Variants in TTC34 observed in about 807,000 individuals in gnomAD.
The protein encoded by TTC34 is tetratricopeptide repeat protein 34.
TTC34 carries 44 observed loss-of-function variants against 40.7 expected under a neutral mutation model. That is an observed-to-expected ratio of 1.08 (90% CI 0.85 to 1.39). The LOEUF is 1.39. TTC34 is among the 40% of genes most tolerant of loss of function. TTC34 has a pLI of 0.00. For missense variants in TTC34, 884 were observed against 838.0 expected (o/e 1.05, Z -0.68); for synonymous variants, 422 against 398.6 (o/e 1.06, Z -0.70).
At chr1:2,755,409 G>A (rs1641471172) in intron 6 of TTC34, among the ~76,000 whole-genome samples, 1 of 58,634 alleles carries the variant, frequency 1.7e-5, no homozygotes, top group Non-Finnish European at 2.8e-5. Flanking sequence ...ACAGCCTGGA[G>A]CAGCACCCAC....
chr1:2,643,255 G>C (rs1207170725), intron 8 of TTC34, among the ~76,000 whole-genome samples: 1 of 152,244 alleles, frequency 6.6e-6, no homozygotes, highest in Non-Finnish European at 1.5e-5. Context: ...AGGAAGCGGG[G>C]CGAAACCACT....
At chr1:2,691,608 G>C (rs140108877) in intron 6 of TTC34, among the ~76,000 whole-genome samples, 15 of 49,880 alleles carry the variant, frequency 3.0e-4, no homozygotes, top group East Asian at 6.8e-4. Flanking sequence ...TGACAGCCTG[G>C]AACAGCACCC....
At chr1:2,640,788 A>T (rs1638884383) in exon 9 of TTC34, 1 of 151,464 alleles carries the variant, frequency 6.6e-6, no homozygotes, top group Non-Finnish European at 1.5e-5. Context: ...AACCTGTAGG[A>T]TCCCAGGCCA....
intron 6 of TTC34, among the ~76,000 whole-genome samples, chr1:2,753,278 T>G (rs1371742125): frequency 2.7e-3 from 244 of 90,786 alleles, no homozygotes; most frequent in African/African-American, 4.8e-3. Context: ...TCTGACAGCC[T>G]GGAACAGCAC....
chr1:2,641,781 G>C lies in TTC34; in HGVS notation c.2827C>G (p.Arg943Gly), dbSNP rs561866095. The C allele has an allele frequency of 2.0e-3, 3,075 of 1,535,216 alleles. 3 individuals are homozygous for C. The highest frequency in any genetic ancestry group is 2.4e-3 in the Non-Finnish European group (2,788 of 1,146,536). Residue 943 changes from arginine to glycine, a missense_variant, in exon 9 of 9, where the codon CGG (arginine) becomes GGG (glycine). Physicochemically the swap from Arg to Gly is moderately radical, Grantham distance 125 (BLOSUM62 -2). Transcript: ENST00000401095. ...TGCAACTCGGCCAGGCAGGTGGCCC[G>C]CAGACGCAGGTGACAGGCACTGCTG...
At chr1:2,755,491 A>G (rs1641473823) in intron 6 of TTC34, among the ~76,000 whole-genome samples, 1 of 82,324 alleles carries the variant, frequency 1.2e-5, no homozygotes. Context: ...ATCGTGGAGT[A>G]GCACCCCACA....
At chr1:2,699,008 C>G (rs1347200202) in intron 6 of TTC34, among the ~76,000 whole-genome samples, 5 of 128,414 alleles carry the variant, frequency 3.9e-5, no homozygotes, top group African/African-American at 8.0e-5. Flanking sequence ...AAGGCACCCA[C>G]ACCACCAGGT....
At chr1:2,748,986 G>A (rs1641231981) in intron 6 of TTC34, among the ~76,000 whole-genome samples, 2 of 135,996 alleles carry the variant, frequency 1.5e-5, no homozygotes, top group Non-Finnish European at 3.1e-5. Context: ...CTGACGGCCT[G>A]GAACAGCACC....
At chr1:2,751,081 C>T (rs1299122321) in intron 6 of TTC34, among the ~76,000 whole-genome samples, 1 of 114,856 alleles carries the variant, frequency 8.7e-6, no homozygotes, top group Non-Finnish European at 1.7e-5. Flanking sequence ...GGAACACCTC[C>T]CACATGCCCA....
chr1:2,688,062 T>G (rs1261593895), intron 6 of TTC34, among the ~76,000 whole-genome samples: 1 of 149,810 alleles, frequency 6.7e-6, no homozygotes, highest in Non-Finnish European at 1.5e-5. Context: ...GGTAAGCATC[T>G]GACAGCCTGG....
At chr1:2,786,542 T>G (rs6657596) in intron 4 of TTC34, among the ~76,000 whole-genome samples, 56,328 of 152,058 alleles carry the variant, frequency 0.37, 10,840 homozygotes, top group South Asian at 0.47. Context: ...GCTGGGACTC[T>G]CAGGGTTCCC....
At chr1:2,780,213 T>C (rs1643459744) in intron 6 of TTC34, among the ~76,000 whole-genome samples, 1 of 152,226 alleles carries the variant, frequency 6.6e-6, no homozygotes, top group African/African-American at 2.4e-5. Context: ...GACTTGCAAA[T>C]ATTGTGGTTT....
Position 2,688,170 on chromosome 1 carries a change from C to T in TTC34, c.2227-42607G>A, listed in dbSNP as rs541222583. Among the ~76,000 whole-genome samples the T allele has an allele frequency of 4.6e-5, 7 of 152,184 alleles. No homozygotes were observed. In the South Asian group the frequency reaches 1.3e-3, roughly 27 times the overall value. On this transcript the variant is annotated intron_variant, in intron 6 of 8. Transcript: ENST00000401095. Reference sequence around the variant, plus strand: ...ACGGCCTGGAAGGGCACCCACACCCCCAGGCGAGCATCGGACAGCCTGGAG... The same window carrying T: ...ACGGCCTGGAAGGGCACCCACACCCTCAGGCGAGCATCGGACAGCCTGGAG...
intron 6 of TTC34, among the ~76,000 whole-genome samples, chr1:2,747,555 C>CATGCCCAGGTGAG (rs1641193890): frequency 3.1e-5 from 1 of 32,440 alleles, no homozygotes; most frequent in Non-Finnish European, 5.1e-5. Flanking sequence ...AGAAACCCCA[C>CATGCCCAGGTGAG]CCTCAGGTGA....
At chr1:2,771,237 T>C in intron 6 of TTC34, among the ~76,000 whole-genome samples, 2 of 20,484 alleles carry the variant, frequency 9.8e-5, no homozygotes, top group Non-Finnish European at 1.5e-4. Flanking sequence ...AACAGCACCC[T>C]GCACCCCCAG....
At chr1:2,768,191 G>C (rs1641848547) in intron 6 of TTC34, among the ~76,000 whole-genome samples, 1 of 151,900 alleles carries the variant, frequency 6.6e-6, no homozygotes, top group Admixed American at 6.6e-5. Context: ...TGACAGCCTG[G>C]AGCAGCAGTG....
chr1:2,649,235 C>T (rs1254463473), intron 6 of TTC34, among the ~76,000 whole-genome samples: 1 of 151,828 alleles, frequency 6.6e-6, no homozygotes, highest in Non-Finnish European at 1.5e-5. Context: ...CAATCTGGAA[C>T]AGGACCCCAC....
intron 6 of TTC34, among the ~76,000 whole-genome samples, chr1:2,672,785 C>A (rs1416799423): frequency 2.2e-5 from 2 of 92,306 alleles, no homozygotes; most frequent in East Asian, 5.1e-4. Context: ...CCTGGAGCAG[C>A]ACCCACGCCC....
chr1:2,685,100 C>A (rs1338984799), intron 6 of TTC34, among the ~76,000 whole-genome samples: 3 of 136,664 alleles, frequency 2.2e-5, no homozygotes, highest in Non-Finnish European at 4.6e-5. Context: ...CACGTGACAG[C>A]TTGGATCAGC....
Sources: allele counts gnomAD v4.1 joint callset (sites outside exome capture counted in the v4.1 genomes callset), GRCh38; gene constraint gnomAD v4.1.1; transcripts MANE v1.5; gene names NCBI Gene and HGNC (gene_info 2026-07-23, HGNC 2026-07-21).